Variants in MACROD2 observed in about 807,000 individuals in gnomAD.
MACROD2 encodes ADP-ribose glycohydrolase MACROD2.
In MACROD2, 36 loss-of-function variants were observed where a neutral mutation model predicts 70.4. That is an observed-to-expected ratio of 0.51 (90% CI 0.39 to 0.68). MACROD2 has a LOEUF of 0.68. MACROD2 is among the 30% of genes least tolerant of loss of function. The probability of loss-of-function intolerance (pLI) is 0.00; values close to 1 mark genes in which losing one functional copy is unlikely to be tolerated. For missense variants in MACROD2, 496 were observed against 538.4 expected (o/e 0.92, Z 0.78); for synonymous variants, 172 against 178.8 (o/e 0.96, Z 0.30).
chr20:15,493,359 A>G (rs2146478803), intron 7 of MACROD2, among the ~76,000 whole-genome samples: 1 of 152,296 alleles, frequency 6.6e-6, no homozygotes, highest in Non-Finnish European at 1.5e-5. Context: ...GTTCAATTTT[A>G]TTTTAATTTT....
chr20:14,394,100 C>T (rs534869135), intron 3 of MACROD2, among the ~76,000 whole-genome samples: 2 of 152,172 alleles, frequency 1.3e-5, no homozygotes, highest in East Asian at 1.9e-4. Flanking sequence ...CCCAAAAGGA[C>T]GTGTAGAGGA....
intron 5 of MACROD2, among the ~76,000 whole-genome samples, chr20:14,719,894 A>T (rs2071444625): frequency 6.6e-6 from 1 of 152,158 alleles, no homozygotes; most frequent in Non-Finnish European, 1.5e-5. Context: ...TGGAGGGAGA[A>T]AGGATGATAG....
intron 5 of MACROD2, among the ~76,000 whole-genome samples, chr20:14,882,793 T>A (rs75992578): frequency 3.8e-4 from 50 of 131,628 alleles, no homozygotes; most frequent in East Asian, 1.9e-3. Context: ...CCATTTTTTT[T>A]AAAAATAAAG....
intron 8 of MACROD2, among the ~76,000 whole-genome samples, chr20:15,514,673 C>T (rs1161750904): frequency 1.3e-5 from 2 of 152,148 alleles, no homozygotes; most frequent in Non-Finnish European, 2.9e-5. Flanking sequence ...TAATCACAGG[C>T]ATTGAAGTAT....
chr20:15,851,047 G>A lies in MACROD2; in HGVS notation c.646-11698G>A, dbSNP rs1379200914. 2.6e-5 allele frequency among the ~76,000 whole-genome samples: 4 copies of A among 151,866 alleles called. No individual in the cohort carries two copies. In the East Asian group the frequency reaches 7.7e-4, roughly 29 times the overall value. On this transcript the variant is annotated intron_variant, in intron 8 of 17. Coordinates refer to ENST00000684519, the MANE Select transcript of MACROD2 (RefSeq NM_001351661.2). ...GCCACTCAGAACGTTGGAAATGATG[G>A]AAAAAATGGGCATGGGAAGAAAAGA...
chr20:15,312,035 C>CA (rs990119377), intron 6 of MACROD2, among the ~76,000 whole-genome samples: 16 of 150,962 alleles, frequency 1.1e-4, no homozygotes, highest in African/African-American at 3.7e-4. Context: ...TCTAAATAAA[C>CA]AAAAAAAATT....
intron 5 of MACROD2, among the ~76,000 whole-genome samples, chr20:14,714,283 T>G (rs1046785164): frequency 2.6e-5 from 4 of 152,136 alleles, no homozygotes; most frequent in African/African-American, 7.2e-5. Flanking sequence ...CCATCCTGCA[T>G]TGGGCCACAC....
chr20:15,246,847 A>G (rs556718745), intron 6 of MACROD2, among the ~76,000 whole-genome samples: 3 of 152,354 alleles, frequency 2.0e-5, no homozygotes, highest in African/African-American at 7.2e-5. Context: ...TGATGAATAG[A>G]TAAACAAACT....
rs183710820 is a variant in MACROD2 at position 14,348,556 on chromosome 20, A to C, written c.272-144923A>C. 1.8e-3 allele frequency among the ~76,000 whole-genome samples: 263 copies of C among 148,018 alleles called. 1 individual carries two copies. The Middle Eastern group carries it at 0.021, about 12-fold the overall frequency. ...GAACAACATCTTTTATTAGTAGACAAAAAAAAAAAAGAATTTCTTATCAGT... is the reference window on the plus strand; with the variant it reads ...GAACAACATCTTTTATTAGTAGACACAAAAAAAAAAGAATTTCTTATCAGT... On this transcript the variant is annotated intron_variant, in intron 3 of 17. Coordinates refer to ENST00000684519, the MANE Select transcript of MACROD2 (RefSeq NM_001351661.2).
chr20:15,662,372 G>T (rs2049833665), intron 8 of MACROD2, among the ~76,000 whole-genome samples: 2 of 152,172 alleles, frequency 1.3e-5, no homozygotes, highest in African/African-American at 4.8e-5. Flanking sequence ...GTTTCAGGCT[G>T]GGATTAGGTC....
chr20:14,955,507 A>C (rs1195933414), intron 5 of MACROD2, among the ~76,000 whole-genome samples: 1 of 151,680 alleles, frequency 6.6e-6, no homozygotes, highest in Non-Finnish European at 1.5e-5. Context: ...GTGTGTATTC[A>C]TGATATATCC....
intron 8 of MACROD2, among the ~76,000 whole-genome samples, chr20:15,684,976 T>C (rs946400923): frequency 6.6e-6 from 1 of 152,140 alleles, no homozygotes; most frequent in African/African-American, 2.4e-5. Flanking sequence ...AAATCTTTGG[T>C]AAAATGAACT....
intron 5 of MACROD2, among the ~76,000 whole-genome samples, chr20:15,107,809 G>T (rs1347129450): frequency 6.6e-6 from 1 of 151,868 alleles, no homozygotes; most frequent in East Asian, 1.9e-4. Context: ...ATAGAATGTG[G>T]GATTTTTACT....
chr20:14,221,228 A>C (rs2081670827), intron 3 of MACROD2, among the ~76,000 whole-genome samples: 1 of 152,188 alleles, frequency 6.6e-6, no homozygotes, highest in Admixed American at 6.5e-5. Flanking sequence ...TTGGGGTATG[A>C]ATGGGCTTTG....
chr20:14,362,221 C>T (rs1398181322), intron 3 of MACROD2, among the ~76,000 whole-genome samples: 2 of 152,138 alleles, frequency 1.3e-5, no homozygotes, highest in African/African-American at 4.8e-5. Flanking sequence ...GATCATTGTT[C>T]CCAGCACTTT....
chr20:15,381,071 T>G (rs2045636904), intron 6 of MACROD2, among the ~76,000 whole-genome samples: 1 of 152,236 alleles, frequency 6.6e-6, no homozygotes, highest in Non-Finnish European at 1.5e-5. Flanking sequence ...AGCATAAATG[T>G]ACTTCTATAA....
chr20:15,066,994 CAAAA>C (rs977871169), intron 5 of MACROD2, among the ~76,000 whole-genome samples: 11 of 150,190 alleles, frequency 7.3e-5, no homozygotes, highest in East Asian at 3.9e-4. Flanking sequence ...AATTTCAAAA[CAAAA>C]AAAACACAAA....
intron 3 of MACROD2, among the ~76,000 whole-genome samples, chr20:14,339,698 G>A (rs1203394271): frequency 6.6e-6 from 1 of 152,118 alleles, no homozygotes; most frequent in Admixed American, 6.5e-5. Flanking sequence ...TGTTGCCCTA[G>A]GCTTTGGTTT....
intron 5 of MACROD2, among the ~76,000 whole-genome samples, chr20:15,080,742 A>G (rs1313179865): frequency 1.3e-5 from 2 of 152,262 alleles, no homozygotes; most frequent in Non-Finnish European, 2.9e-5. Flanking sequence ...TAAGCATAAC[A>G]TGTTCGAAAA....
Sources: gnomAD v4.1 joint callset for allele counts (sites outside exome capture counted in the v4.1 genomes callset) on GRCh38, gnomAD v4.1.1 for gene constraint, MANE v1.5 for transcripts, NCBI Gene and HGNC (gene_info 2026-07-23, HGNC 2026-07-21) for gene names.